RBFOX1: variants seen among roughly 807,000 people sequenced by gnomAD.
RBFOX1 encodes the protein RNA binding fox-1 homolog 1.
Under a neutral mutation model 57.7 loss-of-function variants are expected in RBFOX1, and 8 were observed. The ratio of observed to expected loss-of-function variants is 0.14; its 90% CI spans 0.08 to 0.25. The LOEUF (loss-of-function observed/expected upper bound fraction) is 0.25. RBFOX1 is among the 10% of genes least tolerant of loss of function. The pLI is 1.00. For synonymous variants in RBFOX1, 326 were observed against 222.4 expected (o/e 1.47, Z -4.15); for missense variants, 611 against 548.5 (o/e 1.11, Z -1.14).
intron 2 of RBFOX1, among the ~76,000 whole-genome samples, chr16:5,490,750 A>C (rs2042801048): frequency 6.6e-6 from 1 of 152,192 alleles, no homozygotes; most frequent in South Asian, 2.1e-4. Context: ...AGAGATCATG[A>C]AGCTGCCGCG....
chr16:6,568,998 C>G (rs1475107060), intron 2 of RBFOX1, among the ~76,000 whole-genome samples: 1 of 152,076 alleles, frequency 6.6e-6, no homozygotes, highest in Non-Finnish European at 1.5e-5. Context: ...GTCTCAAACT[C>G]CCAACCTTAA....
chr16:5,850,426 A>C (rs1287161436), intron 3 of RBFOX1, among the ~76,000 whole-genome samples: 1 of 152,200 alleles, frequency 6.6e-6, no homozygotes, highest in Non-Finnish European at 1.5e-5. Context: ...AGGAAGAAGA[A>C]ATAAAATATT....
At chr16:6,515,575 T>G (rs76344801) in intron 2 of RBFOX1, among the ~76,000 whole-genome samples, 5,248 of 152,092 alleles carry the variant, frequency 0.035, 316 homozygotes, top group African/African-American at 0.12. Flanking sequence ...AATAGAATAA[T>G]TTTTTTCTAA....
intron 2 of RBFOX1, among the ~76,000 whole-genome samples, chr16:5,535,238 G>A (rs1211593419): frequency 1.3e-5 from 2 of 152,146 alleles, no homozygotes; most frequent in African/African-American, 4.8e-5. Context: ...AGTGTTTACT[G>A]CAATGAACAG....
At chr16:6,756,402 C>G (rs2075795502) in intron 3 of RBFOX1, among the ~76,000 whole-genome samples, 1 of 152,038 alleles carries the variant, frequency 6.6e-6, no homozygotes, top group Non-Finnish European at 1.5e-5. Flanking sequence ...AGACACTGGC[C>G]TAGGCAAAGA....
At chr16:6,785,017 G>A (rs1002505174) in intron 3 of RBFOX1, among the ~76,000 whole-genome samples, 2 of 151,834 alleles carry the variant, frequency 1.3e-5, no homozygotes, top group African/African-American at 4.8e-5. Flanking sequence ...TTGATTTGTT[G>A]CACTTCTGAG....
chr16:6,905,671 A>G (rs2069689798), intron 3 of RBFOX1, among the ~76,000 whole-genome samples: 1 of 152,076 alleles, frequency 6.6e-6, no homozygotes, highest in African/African-American at 2.4e-5. Context: ...CATCACCACC[A>G]AAAGGGGAAA....
intron 2 of RBFOX1, among the ~76,000 whole-genome samples, chr16:6,579,036 A>G (rs1395039394): frequency 6.6e-6 from 1 of 152,186 alleles, no homozygotes; most frequent in African/African-American, 2.4e-5. Context: ...CCCAAAACCT[A>G]TGAAAATATA....
chr16:6,102,999 T>C (rs1197637312), intron 1 of RBFOX1, among the ~76,000 whole-genome samples: 1 of 152,172 alleles, frequency 6.6e-6, no homozygotes, highest in Non-Finnish European at 1.5e-5. Context: ...TGCAAGACTT[T>C]CATAATTGTG....
chr16:6,438,748 T>G, intron 2 of RBFOX1, among the ~76,000 whole-genome samples: 1 of 152,168 alleles, frequency 6.6e-6, no homozygotes, highest in East Asian at 1.9e-4. Flanking sequence ...AGCCTCACCA[T>G]GCATATAAGC....
intron 1 of RBFOX1, among the ~76,000 whole-genome samples, chr16:5,321,545 C>A (rs894775783): frequency 6.6e-6 from 1 of 152,132 alleles, no homozygotes; most frequent in Admixed American, 6.5e-5. Context: ...TGGTCTCGAT[C>A]TCCTGACCTC....
intron 1 of RBFOX1, among the ~76,000 whole-genome samples, chr16:6,308,084 AT>A (rs1159220535): frequency 6.6e-6 from 1 of 151,040 alleles, no homozygotes; most frequent in Admixed American, 6.6e-5. Flanking sequence ...TCATTTATTC[AT>A]TTATTTATTT....
intron 2 of RBFOX1, among the ~76,000 whole-genome samples, chr16:6,638,805 C>T (rs139915065): frequency 6.6e-6 from 1 of 152,212 alleles, no homozygotes; most frequent in East Asian, 1.9e-4. Flanking sequence ...TGGGTGATGG[C>T]CACCATTTTG....
At chr16:7,101,913 A>C (rs74011027) in intron 4 of RBFOX1, among the ~76,000 whole-genome samples, 2,775 of 152,192 alleles carry the variant, frequency 0.018, 92 homozygotes, top group African/African-American at 0.064. Flanking sequence ...CCAGGTGTTT[A>C]CGAGGATTGA....
intron 1 of RBFOX1, among the ~76,000 whole-genome samples, chr16:5,269,114 ACC>A (rs2062936939): frequency 6.6e-6 from 1 of 152,142 alleles, no homozygotes; most frequent in Non-Finnish European, 1.5e-5. Flanking sequence ...ACAGGGTTTC[ACC>A]ATGTTGGCCA....
rs566529482 is a variant in RBFOX1, at chr16:7,645,325, C to T, written c.758-8490C>T. On this transcript the variant is annotated intron_variant, in intron 11 of 15. Coordinates refer to ENST00000550418, the MANE Select transcript of RBFOX1 (RefSeq NM_018723.4). ...TTAATCAGGGCTGTGTCAATTTCCT[C>T]GTGCCATGTCAATTTGCTGCAAGGT... 4.9e-3 allele frequency among the ~76,000 whole-genome samples: 749 copies of T among 152,282 alleles called. 6 individuals carry two copies. The highest frequency in any genetic ancestry group is 8.0e-3 in the Non-Finnish European group (543 of 68,026).
At chr16:7,305,568 G>C (rs1568125631) in intron 4 of RBFOX1, among the ~76,000 whole-genome samples, 1 of 152,194 alleles carries the variant, frequency 6.6e-6, no homozygotes, top group Non-Finnish European at 1.5e-5. Context: ...ACATGAGTGT[G>C]TGAACAGAAC....
chr16:7,234,498 G>C (rs547881480), intron 4 of RBFOX1, among the ~76,000 whole-genome samples: 3 of 152,050 alleles, frequency 2.0e-5, no homozygotes, highest in Admixed American at 1.3e-4. Flanking sequence ...CTCAAAGTTT[G>C]TCTTCTACCA....
At chr16:6,594,786 G>A (rs2097760671) in intron 2 of RBFOX1, among the ~76,000 whole-genome samples, 1 of 151,996 alleles carries the variant, frequency 6.6e-6, no homozygotes. Context: ...ACACTTCAGT[G>A]TTTTTTGTTG....
Sources: allele counts gnomAD v4.1 joint callset (sites outside exome capture counted in the v4.1 genomes callset), GRCh38; gene constraint gnomAD v4.1.1; transcripts MANE v1.5; gene names NCBI Gene and HGNC (gene_info 2026-07-23, HGNC 2026-07-21).